Variants in NFKBIZ observed in about 807,000 individuals in gnomAD.
NFKBIZ encodes the protein NF-kappa-B inhibitor zeta.
In NFKBIZ, 19 loss-of-function variants were observed where a neutral mutation model predicts 76.8. The ratio of observed to expected loss-of-function variants is 0.25; its 90% CI spans 0.17 to 0.36. The LOEUF (loss-of-function observed/expected upper bound fraction) is 0.36. Ranked by LOEUF, NFKBIZ falls within the 10% of genes least tolerant of loss-of-function variation. The pLI is 1.00. For synonymous variants in NFKBIZ, 368 were observed against 354.8 expected (o/e 1.04, Z -0.42); for missense variants, 829 against 910.9 (o/e 0.91, Z 1.16).
intron 8 of NFKBIZ, 37 bp from the exon 9 acceptor site, chr3:101,855,696 G>C (rs752474433): frequency 5.2e-6 from 8 of 1,550,832 alleles, no homozygotes; most frequent in Middle Eastern, 1.7e-4. Flanking sequence ...GACCTGATGG[G>C]ATGCTTGACC....
chr3:101,835,014 A>G (rs1942697829), intron 2 of NFKBIZ, among the ~76,000 whole-genome samples: 1 of 152,224 alleles, frequency 6.6e-6, no homozygotes. Context: ...TTAACAATGA[A>G]GTATTAATTA....
intron 1 of NFKBIZ, among the ~76,000 whole-genome samples, chr3:101,851,726 A>G (rs1022562552): frequency 4.6e-5 from 7 of 152,226 alleles, no homozygotes; most frequent in African/African-American, 1.4e-4. Context: ...TCTGTCATCC[A>G]TTCTCATGGG....
chr3:101,837,807 C>T lies in NFKBIZ; in HGVS notation c.-12+8119C>T, dbSNP rs532208575. ...GATGGGAAGAGGACACTCTGCAGGGCAACAGGACAAGTCTATAAAATCCAG... is the reference window on the plus strand; with the variant it reads ...GATGGGAAGAGGACACTCTGCAGGGTAACAGGACAAGTCTATAAAATCCAG... On this transcript the variant is annotated intron_variant, in intron 2 of 12. Coordinates refer to the NFKBIZ transcript ENST00000394054. Among the ~76,000 whole-genome samples, 10 of 152,216 alleles carry T rather than the reference C, an allele frequency of 6.6e-5. No individual in the cohort carries two copies. The East Asian group carries it at 1.9e-3, about 29-fold the overall frequency.
chr3:101,858,536 A>ATGAAGAGTTAAATGG, intron 11 of NFKBIZ: 1 of 746,466 alleles, frequency 1.3e-6, no homozygotes, highest in Non-Finnish European at 1.6e-6. Flanking sequence ...AAGCCATTTA[A>ATGAAGAGTTAAATGG]CTCTTCATTA....
upstream of NFKBIZ, among the ~76,000 whole-genome samples, chr3:101,847,606 C>A (rs900231883): frequency 1.3e-5 from 2 of 152,182 alleles, no homozygotes; most frequent in Non-Finnish European, 2.9e-5. Context: ...TATAAACCTG[C>A]ACAGCATGTT....
intron 2 of NFKBIZ, among the ~76,000 whole-genome samples, chr3:101,831,244 T>C (rs1942643219): frequency 6.6e-6 from 1 of 152,208 alleles, no homozygotes; most frequent in Admixed American, 6.5e-5. Context: ...GGAAAAATCT[T>C]AGCTATTACA....
chr3:101,854,659 G>C lies in NFKBIZ; in HGVS notation c.1419G>C (p.Leu473=), dbSNP rs1208723157. The change falls in exon 6 of 12, where the codon CTG becomes CTC. Residue 473 remains leucine, a synonymous_variant. Coordinates refer to ENST00000326172, the MANE Select transcript of NFKBIZ (RefSeq NM_031419.4). The part of the protein sequence containing the change: ...LARKMNALHM[L]DIKEHNGQSA... ...GAAAGATGAATGCACTTCACATGCT[G>C]GATATTAAAGAGCACAATGGACAGG... 6.2e-7 allele frequency: 1 copy of C among 1,613,698 alleles called. No individual in the cohort carries two copies. Among genetic ancestry groups the C allele is most frequent in the Non-Finnish European group, 8.5e-7 (1 of 1,179,716 alleles).
rs371844266 is a variant in NFKBIZ, at chr3:101,857,187, C to CTTTTAGAAAGCTTTA, written c.1935+4_1935+5insTTTTAGAAAGCTTTA. On this transcript the variant is annotated splice_donor_region_variant and intron_variant, in intron 10 of 11. Transcript: ENST00000326172. ...CCTGTCTTTTGTGAATGCAAAGGTACACCAGAGTTGGAATGGCCTTCTGTA... is the reference window on the plus strand; with the variant it reads ...CCTGTCTTTTGTGAATGCAAAGGTACTTTTAGAAAGCTTTAACCAGAGTTGGAATGGCCTTCTGTA... 4 of 1,608,152 alleles carry CTTTTAGAAAGCTTTA rather than the reference C, an allele frequency of 2.5e-6. No homozygotes were observed. Among genetic ancestry groups the CTTTTAGAAAGCTTTA allele is most frequent in the Non-Finnish European group, 3.4e-6 (4 of 1,175,052 alleles).
At chr3:101,855,608 T>C (rs1027070740) in intron 8 of NFKBIZ, 125 bp from the exon 9 acceptor site, 1 of 1,240,130 alleles carries the variant, frequency 8.1e-7, no homozygotes. Flanking sequence ...TCAGATTGCC[T>C]TACTAGTTCT....
At chr3:101,850,932 AC>A (rs1432551668) in intron 1 of NFKBIZ, among the ~76,000 whole-genome samples, 2 of 152,224 alleles carry the variant, frequency 1.3e-5, no homozygotes, top group African/African-American at 4.8e-5. Flanking sequence ...CCCTTGGTTT[AC>A]CACACAGCCA....
chr3:101,838,492 T>C (rs1206983743), intron 2 of NFKBIZ, among the ~76,000 whole-genome samples: 1 of 152,200 alleles, frequency 6.6e-6, no homozygotes, highest in Non-Finnish European at 1.5e-5. Flanking sequence ...ATTTTAGGTT[T>C]TGTGGGCCAA....
Position 101,849,563 on chromosome 3 carries a change from G to A in NFKBIZ, c.-66G>A. On this transcript the variant is annotated 5_prime_UTR_variant, in exon 1 of 12. Coordinates refer to ENST00000326172, the MANE Select transcript of NFKBIZ (RefSeq NM_031419.4). The stretch of plus-strand genomic sequence containing the variant: ...CCGACAGCTCCCTGAGCCAGCCCGG[G>A]AGGCAGCCGCGCGCAGCGAGCCGGT... 3 of 1,275,338 alleles carry A rather than the reference G, an allele frequency of 2.4e-6. No homozygotes were observed. In the South Asian group the frequency reaches 7.2e-5, roughly 31 times the overall value. 79.0% of individuals were successfully genotyped at this position (1,275,338 alleles called of 1,614,324 possible).
At chr3:101,835,574 C>T (rs879866963) in intron 2 of NFKBIZ, among the ~76,000 whole-genome samples, 6 of 152,202 alleles carry the variant, frequency 3.9e-5, no homozygotes, top group Non-Finnish European at 8.8e-5. Flanking sequence ...CGCCTTCTCA[C>T]TACGTCCTCA....
intron 11 of NFKBIZ, chr3:101,858,511 G>C (rs916549529): frequency 6.7e-5 from 57 of 848,734 alleles, no homozygotes; most frequent in Non-Finnish European, 7.9e-5. Context: ...TGCTCTCAGG[G>C]ATCATTGAGA....
intron 1 of NFKBIZ, chr3:101,850,506 CTTGT>C (rs1422939823): frequency 6.6e-6 from 1 of 152,050 alleles, no homozygotes; most frequent in Non-Finnish European, 1.5e-5. Flanking sequence ...TTTTTGCGGT[CTTGT>C]TTTTGTTGTG....
At chr3:101,841,499 G>C (rs957540414) in intron 2 of NFKBIZ, among the ~76,000 whole-genome samples, 3 of 152,176 alleles carry the variant, frequency 2.0e-5, no homozygotes, top group Non-Finnish European at 4.4e-5. Flanking sequence ...CCAGTACTTA[G>C]AAAAGTACCT....
At position 101,855,124 on chromosome 3, in the gene NFKBIZ, C is replaced by G. The variant is rs147605486; in HGVS notation, c.1506C>G (p.Ile502Met). Residue 502 changes from isoleucine (I) to methionine (M), a missense_variant, in exon 7 of 12, where the codon ATC becomes ATG. By Grantham distance (10) the Ile-to-Met change is conservative. Coordinates refer to ENST00000326172, the MANE Select transcript of NFKBIZ (RefSeq NM_031419.4). ...QHLIVQDLVN[I>M]GAQVNTTDCW... is the part of the protein sequence containing the mutation. ...TCATTGTGCAGGATCTGGTGAACAT[C>G]GGGGCACAGGTGAACACCACAGACT... 5 of 1,613,816 alleles carry G rather than the reference C, an allele frequency of 3.1e-6. No homozygotes were observed. Among genetic ancestry groups the G allele is most frequent in the South Asian group, 2.2e-5 (2 of 91,040 alleles).
chr3:101,844,765 G>A (rs1397292417), upstream of NFKBIZ, among the ~76,000 whole-genome samples: 2 of 152,194 alleles, frequency 1.3e-5, no homozygotes, highest in Non-Finnish European at 2.9e-5. Flanking sequence ...TGGCAGTGCT[G>A]TGATTTCTTT....
rs757666848 is a variant in NFKBIZ, at chr3:101,853,131, A to T, written c.605A>T (p.Asp202Val). Residue 202 changes from aspartate to valine, a missense_variant, in exon 5 of 12, where the codon GAT (aspartate) becomes GTT (valine). Coordinates refer to ENST00000326172, the MANE Select transcript of NFKBIZ (RefSeq NM_031419.4). ...QTPTPGESME[D>V]VHLNEPKQES... ...CCAACGCCCGGGGAGAGCATGGAAG[A>T]TGTTCATCTCAATGAACCCAAACAG... 3 of 1,614,188 alleles carry T rather than the reference A, an allele frequency of 1.9e-6. No homozygotes were observed. Among genetic ancestry groups the T allele is most frequent in the Middle Eastern group, 1.6e-4 (1 of 6,062 alleles).
Sources: allele counts gnomAD v4.1 joint callset (sites outside exome capture counted in the v4.1 genomes callset), GRCh38; gene constraint gnomAD v4.1.1; transcripts MANE v1.5; gene names NCBI Gene and HGNC (gene_info 2026-07-23, HGNC 2026-07-21).